Variants in CNNM4 observed in about 807,000 individuals in gnomAD.
CNNM4 encodes cyclin and CBS domain divalent metal cation transport mediator 4.
CNNM4 carries 32 observed loss-of-function variants against 53.7 expected under a neutral mutation model. The observed-to-expected ratio is 0.60, with a 90% confidence interval of 0.45 to 0.80. CNNM4 has a LOEUF of 0.80. Among genes scored for constraint, CNNM4 ranks in the 30% least tolerant of loss-of-function variants. The pLI, the probability that CNNM4 is intolerant of heterozygous loss-of-function variation, is 0.00. For synonymous variants in CNNM4, 410 were observed against 440.0 expected (o/e 0.93, Z 0.85); for missense variants, 784 against 1,022.0 (o/e 0.77, Z 3.17).
intron 1 of CNNM4, among the ~76,000 whole-genome samples, chr2:96,778,854 A>G (rs1171056672): frequency 6.6e-6 from 1 of 152,214 alleles, no homozygotes; most frequent in Non-Finnish European, 1.5e-5. Flanking sequence ...CATTTAATTG[A>G]CAAAAACCAT....
intron 1 of CNNM4, among the ~76,000 whole-genome samples, chr2:96,775,161 C>A (rs1452703247): frequency 3.3e-5 from 5 of 151,434 alleles, no homozygotes; most frequent in Admixed American, 6.6e-5. Context: ...AAAACAAACA[C>A]CCCTAACTGC....
chr2:96,795,046 C>G (rs969093601), intron 1 of CNNM4, among the ~76,000 whole-genome samples: 1 of 152,256 alleles, frequency 6.6e-6, no homozygotes, highest in Non-Finnish European at 1.5e-5. Flanking sequence ...GGCGTGTATT[C>G]TGCAAATATT....
intron 1 of CNNM4, among the ~76,000 whole-genome samples, chr2:96,769,288 G>T (rs767665675): frequency 4.3e-4 from 66 of 151,792 alleles, no homozygotes; most frequent in Non-Finnish European, 4.6e-4. Context: ...GCAGAATGGA[G>T]AGCTGCTGGG....
chr2:96,804,292 C>A (rs1241641402), intron 5 of CNNM4, among the ~76,000 whole-genome samples: 2 of 146,290 alleles, frequency 1.4e-5, no homozygotes, highest in Non-Finnish European at 3.0e-5. Context: ...TGCAGTGGTG[C>A]GATCTTGGCT....
intron 1 of CNNM4, among the ~76,000 whole-genome samples, chr2:96,768,677 A>G (rs888169428): frequency 1.3e-5 from 2 of 152,200 alleles, no homozygotes; most frequent in Admixed American, 6.5e-5. Context: ...GGTGGTCATA[A>G]TAATGGTGTG....
intron 1 of CNNM4, among the ~76,000 whole-genome samples, chr2:96,767,052 G>A (rs928440572): frequency 1.3e-5 from 2 of 152,138 alleles, no homozygotes; most frequent in African/African-American, 4.8e-5. Flanking sequence ...GCCACTGGGG[G>A]TTTACACAGC....
chr2:96,789,965 C>T lies in CNNM4; in HGVS notation c.1403-7047C>T, dbSNP rs2079046264. On this transcript the variant is annotated intron_variant, in intron 1 of 6. Coordinates refer to ENST00000377075, the MANE Select transcript of CNNM4 (RefSeq NM_020184.4). Reference sequence around the variant, plus strand: ...CCCCCGCCCCCGGCCCTCCAAAATGCTGGGATTACAGGCGTGAGCCAACAC... The same window carrying T: ...CCCCCGCCCCCGGCCCTCCAAAATGTTGGGATTACAGGCGTGAGCCAACAC... Among the ~76,000 whole-genome samples, 3 of 89,548 alleles carry T rather than the reference C, an allele frequency of 3.4e-5. No homozygotes were observed. In the South Asian group the frequency reaches 1.2e-3, roughly 36 times the overall value. The allele number at this position is 89,548 out of a possible 152,430, so 58.7% of individuals were successfully genotyped here.
chr2:96,798,831 A>G lies in CNNM4; in HGVS notation c.1682-226A>G, dbSNP rs115256822. ...GCCCAAGGTCATGTGCTGTTCTTGC[A>G]GGAGCCACTGTTCAAGCCCAGGCAG... On this transcript the variant is annotated intron_variant, in intron 3 of 6. Transcript: ENST00000377075. Among the ~76,000 whole-genome samples, 951 of 152,312 alleles carry G rather than the reference A, an allele frequency of 6.2e-3. 10 individuals are homozygous for G. The highest frequency in any genetic ancestry group is 0.058 in the Middle Eastern group (17 of 294).
At chr2:96,802,742 C>T (rs1002337687) in intron 5 of CNNM4, among the ~76,000 whole-genome samples, 5 of 152,214 alleles carry the variant, frequency 3.3e-5, no homozygotes, top group Non-Finnish European at 7.3e-5. Flanking sequence ...GGTGTTCCAA[C>T]CAGAAAGTCT....
At chr2:96,776,781 T>G (rs2078928744) in intron 1 of CNNM4, among the ~76,000 whole-genome samples, 1 of 149,620 alleles carries the variant, frequency 6.7e-6, no homozygotes, top group Non-Finnish European at 1.5e-5. Flanking sequence ...CCAGGCTAAT[T>G]TTTTTGTATT....
rs1204144412 is a variant in CNNM4 at position 96,805,443 on chromosome 2, AT to A, written c.1949-3109del. Among the ~76,000 whole-genome samples, 7 of 73,770 alleles carry A rather than the reference AT, an allele frequency of 9.5e-5. 1 individual carries two copies. In the East Asian group the frequency reaches 1.8e-3, roughly 19 times the overall value. The allele number at this position is 73,770 out of a possible 152,430, so 48.4% of individuals were successfully genotyped here. A position where few individuals can be genotyped will look rare whatever the true frequency, so the allele number is the denominator to read the frequency against. On this transcript the variant is annotated intron_variant, in intron 5 of 6. Coordinates refer to ENST00000377075, the MANE Select transcript of CNNM4 (RefSeq NM_020184.4). ...GTTTTTTTTTTTTTTTTTTTTTATT[AT>A]TTTTTTTTAAATTTATTTTTTTATT...
intron 1 of CNNM4, among the ~76,000 whole-genome samples, chr2:96,765,521 C>T (rs1348747364): frequency 6.6e-6 from 1 of 152,294 alleles, no homozygotes; most frequent in East Asian, 1.9e-4. Flanking sequence ...CCCTCCTCCA[C>T]CCCAGGTTGG....
intron 1 of CNNM4, among the ~76,000 whole-genome samples, chr2:96,777,153 T>C (rs934358289): frequency 3.3e-5 from 5 of 152,120 alleles, no homozygotes; most frequent in African/African-American, 1.2e-4. Flanking sequence ...CCCGAGTAGC[T>C]GGGACTACAG....
chr2:96,797,204 G>A lies in CNNM4; in HGVS notation c.1546+49G>A, dbSNP rs1344609220. On this transcript the variant is annotated intron_variant, in intron 2 of 6. Transcript: ENST00000377075. The surrounding 1 kb of genome is among the most constrained non-coding windows in gnomAD (Gnocchi z 6.0). ...CCAGGACCCCTTTCCTGCTTGGATC[G>A]AAACTTGGTGTCCCTAGCTGGAAGG... The A allele has an allele frequency of 1.2e-6, 2 of 1,611,534 alleles. No homozygotes were observed. The highest frequency in any genetic ancestry group is 1.7e-5 in the Admixed American group (1 of 59,988).
At chr2:96,793,992 G>A (rs2079082971) in intron 1 of CNNM4, among the ~76,000 whole-genome samples, 1 of 152,120 alleles carries the variant, frequency 6.6e-6, no homozygotes, top group African/African-American at 2.4e-5. Flanking sequence ...AACAGAGAGA[G>A]GCCAGCAGCC....
In CNNM4 at chr2:96,800,220, G is replaced by T. The variant is rs1483262102; in HGVS notation, c.1948+572G>T. 6.6e-6 allele frequency among the ~76,000 whole-genome samples: 1 copy of T among 151,986 alleles called. No homozygotes were observed. The highest frequency in any genetic ancestry group is 1.5e-5 in the Non-Finnish European group (1 of 67,972). On this transcript the variant is annotated intron_variant, in intron 5 of 6. Transcript: ENST00000377075. This position sits in a 1 kb window ranked among gnomAD's most constrained non-coding sequence, Gnocchi z 4.6. ...GGTCCGGGGATGCGCCACTCTGGCC[G>T]CCCCAGTGCCCTCTCCTGTGCTGAG...
At chr2:96,806,535 A>ACGCGCGCG (rs1553479692) in intron 5 of CNNM4, among the ~76,000 whole-genome samples, 92 of 124,004 alleles carry the variant, frequency 7.4e-4, no homozygotes, top group Non-Finnish European at 1.2e-3. Context: ...ACACACACAC[A>ACGCGCGCG]CGCGCGCGCG....
rs190026311 is a variant in CNNM4 at position 96,770,831 on chromosome 2, G to T, written c.1402+8430G>T. Among the ~76,000 whole-genome samples, 299 of 152,332 alleles carry T rather than the reference G, an allele frequency of 2.0e-3. 1 individual carries two copies. The highest frequency in any genetic ancestry group is 6.7e-3 in the African/African-American group (278 of 41,558). On this transcript the variant is annotated intron_variant, in intron 1 of 6. Coordinates refer to ENST00000377075, the MANE Select transcript of CNNM4 (RefSeq NM_020184.4). ...GCTCCTGAAAGGCCGCGCAGCCATG[G>T]AGAGTGTGTATGGAAAGGCAGCCTG...
chr2:96,777,686 G>T (rs2078938511), intron 1 of CNNM4, among the ~76,000 whole-genome samples: 1 of 152,058 alleles, frequency 6.6e-6, no homozygotes, highest in African/African-American at 2.4e-5. Flanking sequence ...ATTTTTGGTA[G>T]AGATGGGGTT....
Sources: allele counts gnomAD v4.1 joint callset (sites outside exome capture counted in the v4.1 genomes callset), GRCh38; gene constraint gnomAD v4.1.1; non-coding constraint Gnocchi (gnomAD v3.1); transcripts MANE v1.5; gene names NCBI Gene and HGNC (gene_info 2026-07-23, HGNC 2026-07-21).